LAMC2: variants seen among roughly 807,000 people sequenced by gnomAD.
LAMC2 encodes the protein laminin subunit gamma 2.
In LAMC2, 97 loss-of-function variants were observed where a neutral mutation model predicts 140.2. The observed-to-expected ratio is 0.69, with a 90% confidence interval of 0.59 to 0.82. LAMC2 has a LOEUF of 0.82. LAMC2 is among the 40% of genes least tolerant of loss of function. The pLI is 0.00. For missense variants in LAMC2, 1,402 were observed against 1,476.1 expected (o/e 0.95, Z 0.82); for synonymous variants, 513 against 540.2 (o/e 0.95, Z 0.70).
chr1:183,242,162 G>GCCACCT (rs1660150026), intron 22 of LAMC2, among the ~76,000 whole-genome samples: 1 of 152,150 alleles, frequency 6.6e-6, no homozygotes, highest in Admixed American at 6.5e-5. Flanking sequence ...AGTAACTCAT[G>GCCACCT]CCACCTTCCC....
chr1:183,190,684 A>C (rs1283391694), intron 1 of LAMC2, among the ~76,000 whole-genome samples: 2 of 152,152 alleles, frequency 1.3e-5, no homozygotes, highest in Non-Finnish European at 2.9e-5. Flanking sequence ...TAGTAGTCAA[A>C]TGTCTCTTTA....
In LAMC2 at chr1:183,215,515, G is replaced by C. The variant is rs12065473; in HGVS notation, c.331G>C (p.Ala111Pro). 6.2e-3 allele frequency: 10,023 copies of C among 1,614,132 alleles called. 538 individuals are homozygous for C. The African/African-American group carries it at 0.11, about 18-fold the overall frequency. The change falls in exon 3 of 23, where the codon GCC becomes CCC. Residue 111 changes from alanine to proline, a missense_variant. Physicochemically the swap from Ala to Pro is conservative, Grantham distance 27. Transcript: ENST00000264144. ...RCSCKPGVTG[A>P]RCDRCLPGFH... ...CAGCTGTAAACCAGGTGTGACAGGA[G>C]CCAGATGCGACCGATGTCTGCCAGG...
intron 12 of LAMC2, 139 bp downstream of exon 12, chr1:183,231,242 A>G (rs1358169931): frequency 9.7e-7 from 1 of 1,027,336 alleles, no homozygotes; most frequent in Non-Finnish European, 1.5e-6. Flanking sequence ...GTCTTTAAAA[A>G]TTGCTGCATT....
intron 2 of LAMC2, among the ~76,000 whole-genome samples, 158 bp from the exon 3 acceptor site, chr1:183,215,295 G>A (rs1040988243): frequency 3.3e-5 from 5 of 152,186 alleles, no homozygotes; most frequent in African/African-American, 1.2e-4. Context: ...ACCATCCCCG[G>A]TGACACGCAG....
intron 9 of LAMC2, among the ~76,000 whole-genome samples, 179 bp downstream of exon 9, chr1:183,227,095 A>G (rs537474145): frequency 5.9e-5 from 9 of 152,320 alleles, no homozygotes; most frequent in East Asian, 1.9e-4. Flanking sequence ...CACTGTGGAA[A>G]TGCCACAAAG....
At position 183,220,858 on chromosome 1, in the gene LAMC2, GA is replaced by G. The variant is rs1558089869; in HGVS notation, c.539del (p.Asn180ThrfsTer67). 1.2e-6 allele frequency: 2 copies of G among 1,613,786 alleles called. No individual in the cohort carries two copies. Among genetic ancestry groups the G allele is most frequent in the Non-Finnish European group, 8.5e-7 (1 of 1,179,674 alleles). The part of the protein sequence containing the change: ...RSGYYNLDGG[N>X]PEGCTQCFCY... The stretch of plus-strand genomic sequence containing the variant: ...CAGGTTACTATAATCTGGATGGGGG[GA>G]ACCCTGAGGGCTGTACCCAGTGTTT... On this transcript the variant is annotated frameshift_variant, in exon 5 of 23. Coordinates refer to ENST00000264144, the MANE Select transcript of LAMC2 (RefSeq NM_005562.3). LOFTEE classifies it high-confidence loss of function.
chr1:183,197,435 G>T (rs931678722), intron 1 of LAMC2, among the ~76,000 whole-genome samples: 1 of 152,208 alleles, frequency 6.6e-6, no homozygotes, highest in Non-Finnish European at 1.5e-5. Context: ...AACACTTTGG[G>T]ACGGTGAGGT....
intron 2 of LAMC2, among the ~76,000 whole-genome samples, chr1:183,213,367 C>T (rs1258702689): frequency 6.6e-6 from 1 of 152,174 alleles, no homozygotes; most frequent in Admixed American, 6.5e-5. Flanking sequence ...CATACAGGCA[C>T]AGAACCGATA....
At chr1:183,213,147 C>T (rs1659123221) in intron 2 of LAMC2, among the ~76,000 whole-genome samples, 1 of 152,272 alleles carries the variant, frequency 6.6e-6, no homozygotes, top group Non-Finnish European at 1.5e-5. Context: ...TGTTATTCTG[C>T]TGTGAACTTT....
At chr1:183,227,060 G>A (rs1424745051) in intron 9 of LAMC2, 144 bp downstream of exon 9, 35 of 684,930 alleles carry the variant, frequency 5.1e-5, no homozygotes, top group Non-Finnish European at 7.5e-5. Flanking sequence ...GATGGACATG[G>A]TGCCTTATTA....
intron 1 of LAMC2, among the ~76,000 whole-genome samples, chr1:183,188,699 A>G (rs192039170): frequency 7.2e-5 from 11 of 152,348 alleles, no homozygotes; most frequent in Non-Finnish European, 1.5e-4. Context: ...AGTACAGTGT[A>G]GTGAATTCAT....
the LAMC2 span, among the ~76,000 whole-genome samples, chr1:183,255,382 T>C: frequency 1.3e-5 from 2 of 152,176 alleles, no homozygotes; most frequent in Non-Finnish European, 2.9e-5. Flanking sequence ...TCATAATTGC[T>C]TTGGCTATTC....
the LAMC2 span, among the ~76,000 whole-genome samples, chr1:183,255,007 G>T: frequency 2.6e-5 from 4 of 152,156 alleles, no homozygotes; most frequent in Admixed American, 6.5e-5. Flanking sequence ...ATGTCAAGGA[G>T]ATTTTCCTTT....
intron 1 of LAMC2, among the ~76,000 whole-genome samples, chr1:183,204,878 A>G (rs1658835221): frequency 6.6e-6 from 1 of 151,982 alleles, no homozygotes; most frequent in Non-Finnish European, 1.5e-5. Context: ...AGTAGAGTGC[A>G]ATGGCACAAT....
intron 1 of LAMC2, among the ~76,000 whole-genome samples, chr1:183,200,237 A>G (rs1658663213): frequency 6.6e-6 from 1 of 152,142 alleles, no homozygotes; most frequent in African/African-American, 2.4e-5. Context: ...ATAAACATAC[A>G]AAATCAGCCG....
chr1:183,254,013 A>G, the LAMC2 span, among the ~76,000 whole-genome samples: 3 of 151,886 alleles, frequency 2.0e-5, no homozygotes, highest in African/African-American at 4.8e-5. Flanking sequence ...TTGTTTCCAC[A>G]TCTTGGCTAC....
downstream of LAMC2, among the ~76,000 whole-genome samples, chr1:183,246,991 C>G (rs181407339): frequency 1.0e-3 from 155 of 152,334 alleles, 2 homozygotes; most frequent in African/African-American, 3.5e-3. Context: ...AGTTAGCAAA[C>G]TAAACCAGTG....
the LAMC2 span, among the ~76,000 whole-genome samples, chr1:183,258,725 C>T: frequency 6.6e-6 from 1 of 152,080 alleles, no homozygotes; most frequent in Non-Finnish European, 1.5e-5. Flanking sequence ...TTTGTAGACC[C>T]TGCACTTGAT....
chr1:183,252,826 AC>A, the LAMC2 span: 1 of 981,082 alleles, frequency 1.0e-6, no homozygotes, highest in Middle Eastern at 2.8e-4. Flanking sequence ...TCTCCCCAGC[AC>A]CCCATTTGTA....
Sources: gnomAD v4.1 joint callset for allele counts (sites outside exome capture counted in the v4.1 genomes callset) on GRCh38, gnomAD v4.1.1 for gene constraint, MANE v1.5 for transcripts, NCBI Gene and HGNC (gene_info 2026-07-23, HGNC 2026-07-21) for gene names.